Variants in RIMKLB observed in about 807,000 individuals in gnomAD.
RIMKLB encodes ribosomal modification protein rimK like family member B.
RIMKLB carries 7 observed loss-of-function variants against 32.0 expected under a neutral mutation model. The observed-to-expected ratio is 0.22, with a 90% CI of 0.12 to 0.41. The LOEUF (loss-of-function observed/expected upper bound fraction) is 0.41. RIMKLB is among the 10% of genes least tolerant of loss of function. The probability of loss-of-function intolerance (pLI) is 1.00; values close to 1 mark genes in which losing one functional copy is unlikely to be tolerated. For missense variants in RIMKLB, 289 were observed against 498.7 expected (o/e 0.58, Z 4.00); for synonymous variants, 172 against 185.1 (o/e 0.93, Z 0.57).
chr12:8,732,756 T>TATACACAC (rs1213499853), intron 2 of RIMKLB, among the ~76,000 whole-genome samples: 27 of 150,144 alleles, frequency 1.8e-4, no homozygotes, highest in South Asian at 1.3e-3. Context: ...TATATATATA[T>TATACACAC]ACACACACAC....
At chr12:8,696,097 CG>C (rs1207279732), upstream of RIMKLB, among the ~76,000 whole-genome samples, 1 of 152,188 alleles carries the variant, frequency 6.6e-6, no homozygotes, top group Non-Finnish European at 1.5e-5. Flanking sequence ...GCAGTTACCA[CG>C]AATTGGATTC....
downstream of RIMKLB, among the ~76,000 whole-genome samples, chr12:8,781,161 A>T (rs1369755043): frequency 1.3e-5 from 2 of 152,132 alleles, no homozygotes; most frequent in Admixed American, 1.3e-4. Context: ...GCAAACATGG[A>T]GAAACCCCAT....
chr12:8,768,505 A>G (rs1012913993), intron 5 of RIMKLB, among the ~76,000 whole-genome samples: 4 of 152,192 alleles, frequency 2.6e-5, no homozygotes, highest in Non-Finnish European at 5.9e-5. Context: ...AGATTGGCCA[A>G]TATTATTATT....
chr12:8,778,223 G>A (rs1950846482), downstream of RIMKLB, among the ~76,000 whole-genome samples: 1 of 152,104 alleles, frequency 6.6e-6, no homozygotes, highest in African/African-American at 2.4e-5. Flanking sequence ...GACAGGTATG[G>A]AAAACTAGAG....
intron 1 of RIMKLB, among the ~76,000 whole-genome samples, chr12:8,682,062 T>G (rs1176691577): frequency 6.6e-6 from 1 of 151,998 alleles, no homozygotes; most frequent in Non-Finnish European, 1.5e-5. Flanking sequence ...TGTTGGAGAA[T>G]AGGTCAGTGT....
In RIMKLB at chr12:8,749,956, T is replaced by C. The variant is rs1355965313; in HGVS notation, c.270T>C (p.Thr90=). 2 of 1,613,818 alleles carry C rather than the reference T, an allele frequency of 1.2e-6. No homozygotes were observed. Among genetic ancestry groups the C allele is most frequent in the Middle Eastern group, 1.7e-4 (1 of 6,060 alleles). ...GGGTGCAAAGTGATAGTGACATCAC[T>C]GTTTTGCGCCATCTAGAGAAGATGG... The part of the protein sequence containing the change: ...TPWVQSDSDI[T]VLRHLEKMGC... The change falls in exon 3 of 6, where the codon ACT becomes ACC. Residue 90 remains threonine, a synonymous_variant. Transcript: ENST00000535829.
At chr12:8,750,326 T>G (rs929016983) in intron 3 of RIMKLB, among the ~76,000 whole-genome samples, 5 of 152,210 alleles carry the variant, frequency 3.3e-5, no homozygotes, top group African/African-American at 1.2e-4. Context: ...TTATAAGCCA[T>G]TAAGTTCTCT....
chr12:8,671,072 A>T, the RIMKLB span, among the ~76,000 whole-genome samples: 2 of 152,106 alleles, frequency 1.3e-5, no homozygotes, highest in Non-Finnish European at 2.9e-5. Flanking sequence ...GACCCAGCTC[A>T]TGAAACCACA....
At chr12:8,755,642 C>T (rs1333305848) in intron 5 of RIMKLB, among the ~76,000 whole-genome samples, 1 of 152,118 alleles carries the variant, frequency 6.6e-6, no homozygotes, top group Non-Finnish European at 1.5e-5. Context: ...CCCTTCCCTC[C>T]TAATCTCTTC....
At chr12:8,700,290 T>C (rs1291196905) in intron 1 of RIMKLB, 1 of 152,190 alleles carries the variant, frequency 6.6e-6, no homozygotes, top group Non-Finnish European at 1.5e-5. Context: ...TGGAGAAACA[T>C]CTCTTTTAAA....
intron 5 of RIMKLB, among the ~76,000 whole-genome samples, chr12:8,772,613 G>C (rs1420058789): frequency 6.6e-6 from 1 of 152,166 alleles, no homozygotes; most frequent in Non-Finnish European, 1.5e-5. Flanking sequence ...CACCTCACCT[G>C]TCCAGCTACT....
At chr12:8,721,352 G>A (rs12422620) in intron 2 of RIMKLB, among the ~76,000 whole-genome samples, 48,508 of 152,032 alleles carry the variant, frequency 0.32, 7,948 homozygotes, top group South Asian at 0.5. Context: ...TTTACCCACC[G>A]AATTTCTTTC....
chr12:8,730,441 G>A (rs1946429411), intron 2 of RIMKLB, among the ~76,000 whole-genome samples: 2 of 152,230 alleles, frequency 1.3e-5, no homozygotes, highest in South Asian at 4.1e-4. Context: ...CTCCAGCTTG[G>A]TCACAGGGCC....
intron 2 of RIMKLB, among the ~76,000 whole-genome samples, chr12:8,748,856 T>C (rs1421681285): frequency 6.6e-6 from 1 of 151,892 alleles, no homozygotes; most frequent in Non-Finnish European, 1.5e-5. Context: ...GGAGAATTGC[T>C]TGAACCCAGG....
At chr12:8,741,191 G>GT (rs779658435) in intron 2 of RIMKLB, among the ~76,000 whole-genome samples, 215 of 150,416 alleles carry the variant, frequency 1.4e-3, no homozygotes, top group African/African-American at 4.8e-3. Context: ...GGGCGACAGA[G>GT]GGAGACTCTG....
intron 2 of RIMKLB, among the ~76,000 whole-genome samples, chr12:8,733,931 A>G (rs1265679504): frequency 2.0e-5 from 3 of 152,160 alleles, no homozygotes; most frequent in African/African-American, 7.2e-5. Flanking sequence ...GGTAGATTGT[A>G]TGACTACTTA....
chr12:8,716,071 A>G (rs1944802367), intron 2 of RIMKLB, among the ~76,000 whole-genome samples: 1 of 152,194 alleles, frequency 6.6e-6, no homozygotes, highest in Non-Finnish European at 1.5e-5. Flanking sequence ...ACGTTAGTTC[A>G]CTCAACACTA....
At position 8,775,717 on chromosome 12, in the gene RIMKLB, A is replaced by G; in HGVS notation, c.*1933A>G. On this transcript the variant is annotated 3_prime_UTR_variant, in exon 6 of 6. Transcript: ENST00000535829. Reference sequence around the variant, plus strand: ...TTTTTCCATAGAATTAAATAATATTAAAATTGAGTGAAAGGTTGATTGTTG... The same window carrying G: ...TTTTTCCATAGAATTAAATAATATTGAAATTGAGTGAAAGGTTGATTGTTG... 1.0e-6 allele frequency: 1 copy of G among 984,086 alleles called. No homozygotes were observed. The highest frequency in any genetic ancestry group is 1.2e-6 in the Non-Finnish European group (1 of 828,320). 61.0% of individuals were successfully genotyped at this position (984,086 alleles called of 1,614,324 possible). A position where few individuals can be genotyped will look rare whatever the true frequency, so the allele number is the denominator to read the frequency against.
chr12:8,755,736 C>T lies in RIMKLB; in HGVS notation c.697+1643C>T, dbSNP rs73247482. On this transcript the variant is annotated intron_variant, in intron 5 of 5. Coordinates refer to ENST00000535829, the MANE Select transcript of RIMKLB (RefSeq NM_001297776.2). ...CAAAATCCTCCGATAGGGCCGGGCACAATGGCTCACACTGGTAATCCCAAC... is the reference window on the plus strand; with the variant it reads ...CAAAATCCTCCGATAGGGCCGGGCATAATGGCTCACACTGGTAATCCCAAC... 4.8e-3 allele frequency among the ~76,000 whole-genome samples: 737 copies of T among 152,256 alleles called. 5 individuals are homozygous for T. Among genetic ancestry groups the T allele is most frequent in the African/African-American group, 0.016 (659 of 41,540 alleles).
Sources: gnomAD v4.1 joint callset for allele counts (sites outside exome capture counted in the v4.1 genomes callset) on GRCh38, gnomAD v4.1.1 for gene constraint, MANE v1.5 for transcripts, NCBI Gene and HGNC (gene_info 2026-07-23, HGNC 2026-07-21) for gene names.